Variants in CCDC187 observed in about 807,000 individuals in gnomAD.
CCDC187 encodes coiled-coil domain-containing protein 187.
CCDC187 carries 32 observed loss-of-function variants against 38.0 expected under a neutral mutation model. The observed-to-expected ratio is 0.84, with a 90% confidence interval of 0.64 to 1.13. The LOEUF is 1.13. Ranked by LOEUF, CCDC187 falls within the 50% of genes most tolerant of loss-of-function variation. CCDC187 has a pLI of 0.00. For missense variants in CCDC187, 707 were observed against 786.8 expected (o/e 0.90, Z 1.21); for synonymous variants, 333 against 347.9 (o/e 0.96, Z 0.48).
At position 136,250,874 on chromosome 9, in the gene CCDC187, T is replaced by G. The variant is rs1311417000; in HGVS notation, c.*2720A>C. 1.3e-4 allele frequency: 57 copies of G among 454,010 alleles called. No individual in the cohort carries two copies. Among genetic ancestry groups the G allele is most frequent in the Non-Finnish European group, 2.3e-4 (51 of 225,420 alleles). 28.1% of individuals were successfully genotyped at this position (454,010 alleles called of 1,614,324 possible). On this transcript the variant is annotated 3_prime_UTR_variant, in exon 26 of 26. Transcript: ENST00000638797. ...CAGCTGCTCCCGGGCGAGGGGTGTCTGGAGAGGGGCTCTTGCCTCACGGCA... is the reference window on the plus strand; with the variant it reads ...CAGCTGCTCCCGGGCGAGGGGTGTCGGGAGAGGGGCTCTTGCCTCACGGCA...
At position 136,250,441 on chromosome 9, in the gene CCDC187, C is replaced by T. The variant is rs1438996448; in HGVS notation, c.*3153G>A. 3 of 294,990 alleles carry T rather than the reference C, an allele frequency of 1.0e-5. No individual in the cohort carries two copies. The highest frequency in any genetic ancestry group is 2.0e-5 in the Non-Finnish European group (3 of 150,746). 18.3% of individuals were successfully genotyped at this position (294,990 alleles called of 1,614,324 possible). A position where few individuals can be genotyped will look rare whatever the true frequency, so the allele number is the denominator to read the frequency against. ...AGCCATCAGATTCGCTGCAAATCTG[C>T]GGGGCTTCAGTGGTGGAGATTTATC... On this transcript the variant is annotated 3_prime_UTR_variant, in exon 26 of 26. Coordinates refer to ENST00000638797, the MANE Select transcript of CCDC187 (RefSeq NM_001378188.1).
chr9:136,298,359 T>C (rs1451875182), intron 3 of CCDC187, among the ~76,000 whole-genome samples: 1 of 152,092 alleles, frequency 6.6e-6, no homozygotes, highest in Non-Finnish European at 1.5e-5. Context: ...TGGACCCCTC[T>C]GCCGATGGGG....
At chr9:136,277,427 G>T (rs1209142191) in intron 10 of CCDC187, among the ~76,000 whole-genome samples, 1 of 101,018 alleles carries the variant, frequency 9.9e-6, no homozygotes. Flanking sequence ...TGGGTGCTGA[G>T]GGGGTGAGTG....
At chr9:136,255,328 C>A (rs34141319) in intron 25 of CCDC187, among the ~76,000 whole-genome samples, 194 bp from the exon 26 acceptor site, 16,750 of 152,140 alleles carry the variant, frequency 0.11, 1,287 homozygotes, top group Admixed American at 0.2. Flanking sequence ...CACCCACACG[C>A]AATGAGTCAT....
chr9:136,303,595 G>A (rs1317908823), intron 1 of CCDC187, 93 bp downstream of exon 1: 3 of 157,000 alleles, frequency 1.9e-5, no homozygotes, highest in Admixed American at 6.5e-5. Flanking sequence ...CTGACCCCAC[G>A]CCCTTGTACC....
Position 136,283,577 on chromosome 9 carries a change from G to A in CCDC187, c.2928-1914C>T, listed in dbSNP as rs1055372989. Among the ~76,000 whole-genome samples, 9 of 152,332 alleles carry A rather than the reference G, an allele frequency of 5.9e-5. No individual in the cohort carries two copies. The East Asian group carries it at 1.7e-3, about 30-fold the overall frequency. ...TGATTCCGCCTCCTGCTGTCTCTCT[G>A]CCGCCTCGGCAGGGCTGTGGGGGTG... On this transcript the variant is annotated intron_variant, in intron 9 of 25. Transcript: ENST00000638797.
In CCDC187 at chr9:136,258,731, G is replaced by A. The variant is rs369145376; in HGVS notation, c.4366+201C>T. On this transcript the variant is annotated intron_variant, in intron 22 of 25. Coordinates refer to ENST00000638797, the MANE Select transcript of CCDC187 (RefSeq NM_001378188.1). The surrounding 1 kb of genome is among the most constrained non-coding windows in gnomAD (Gnocchi z 4.3). ...TTAATTTCTCCAGAAGAGCCGCTGC[G>A]TCACCTCCGGTAGGAGATGGAGCCG... is the stretch of plus-strand genomic sequence containing the variant. 1.6e-4 allele frequency: 156 copies of A among 985,468 alleles called. No individual in the cohort carries two copies. In the South Asian group the frequency reaches 5.4e-3, roughly 34 times the overall value. The allele number at this position is 985,468 out of a possible 1,614,324, so 61.0% of individuals were successfully genotyped here.
chr9:136,305,880 C>G (rs1184323065), upstream of CCDC187, among the ~76,000 whole-genome samples: 3 of 152,210 alleles, frequency 2.0e-5, no homozygotes, highest in African/African-American at 7.2e-5. Context: ...GCGTCTGCCT[C>G]CCTGGCCTGG....
chr9:136,284,872 C>G (rs1240965837), intron 9 of CCDC187, among the ~76,000 whole-genome samples: 1 of 152,148 alleles, frequency 6.6e-6, no homozygotes, highest in Non-Finnish European at 1.5e-5. Context: ...GAGCATCTAA[C>G]TCAGTTTCCA....
upstream of CCDC187, among the ~76,000 whole-genome samples, chr9:136,306,147 G>A (rs1392036211): frequency 6.6e-6 from 1 of 152,180 alleles, no homozygotes; most frequent in African/African-American, 2.4e-5. Context: ...GCTGCAGCCT[G>A]AGTCAAGGGG....
rs555989873 is a variant in CCDC187, at chr9:136,259,303, G to T, written c.4296+60C>A. ...AAGTCACAGATTGGCAGAATGTTGGGGGGGGGTGGTCCCTGAAACAGGCGG... is the reference window on the plus strand; with the variant it reads ...AAGTCACAGATTGGCAGAATGTTGGTGGGGGGTGGTCCCTGAAACAGGCGG... On this transcript the variant is annotated intron_variant, in intron 21 of 25. Transcript: ENST00000638797. 51 of 683,494 alleles carry T rather than the reference G, an allele frequency of 7.5e-5. 2 individuals carry two copies. In the South Asian group the frequency reaches 1.1e-3, roughly 14 times the overall value. 42.3% of individuals were successfully genotyped at this position (683,494 alleles called of 1,614,324 possible). A position where few individuals can be genotyped will look rare whatever the true frequency, so the allele number is the denominator to read the frequency against.
chr9:136,267,715 G>A (rs1830772007), intron 15 of CCDC187: 3 of 898,920 alleles, frequency 3.3e-6, no homozygotes, highest in Non-Finnish European at 4.0e-6. Flanking sequence ...TGAGCTGGCG[G>A]GGCAGGCAGG....
rs1438935684 is a variant in CCDC187 at position 136,291,612 on chromosome 9, G to C, written c.1001C>G (p.Ser334Ter). ...ATCGGGCAACTGGGCACAAACCGGT[G>C]AGCACTTGGCAGCTATGACTTTCTC... The part of the protein sequence containing the change: ...DSEKVIAAKC[S>*]PVCAQLPDAT... Residue 334 changes from serine to a stop codon, truncating the protein, a stop_gained, in exon 6 of 26, where the codon TCA (serine) becomes TGA (stop). Transcript: ENST00000638797. LOFTEE classifies it high-confidence loss of function. The C allele has an allele frequency of 1.8e-5, 7 of 398,732 alleles. No homozygotes were observed. Among genetic ancestry groups the C allele is most frequent in the East Asian group, 1.4e-4 (4 of 28,088 alleles). The allele number at this position is 398,732 out of a possible 1,614,324, so 24.7% of individuals were successfully genotyped here. A position where few individuals can be genotyped will look rare whatever the true frequency, so the allele number is the denominator to read the frequency against.
chr9:136,291,932 G>A (rs929500960), intron 5 of CCDC187, among the ~76,000 whole-genome samples: 2 of 152,230 alleles, frequency 1.3e-5, no homozygotes, highest in Non-Finnish European at 2.9e-5. Flanking sequence ...GGGAACTGGC[G>A]ATGGAGCCTC....
chr9:136,283,419 G>A (rs1235762992), intron 9 of CCDC187, among the ~76,000 whole-genome samples: 2 of 152,234 alleles, frequency 1.3e-5, no homozygotes, highest in South Asian at 2.1e-4. Flanking sequence ...GAGTGGCAAC[G>A]GACAGGCCAG....
At chr9:136,256,141 A>G (rs1457656151) in intron 24 of CCDC187, 70 bp downstream of exon 24, 3 of 817,128 alleles carry the variant, frequency 3.7e-6, no homozygotes, top group South Asian at 1.1e-4. Context: ...GCAGGGGGAC[A>G]GGGGGTACCG....
At position 136,254,150 on chromosome 9, in the gene CCDC187, C is replaced by T. The variant is rs568525539; in HGVS notation, c.5678G>A (p.Trp1893Ter). The change falls in exon 26 of 26, where the codon TGG becomes TAG. Residue 1893 changes from tryptophan to a stop codon, truncating the protein, a stop_gained. Transcript: ENST00000638797. LOFTEE classifies it low-confidence loss of function (END_TRUNC). ...ATCTGCCCCTTCACTCAAAGAGGTC[C>T]ACGAAGGAAAGACCAGCAGTGAGTC... Reference protein sequence around the residue: ...DSDSLLVFPSWTSLSEGADFG... With the variant: ...DSDSLLVFPS The T allele has an allele frequency of 4.7e-5, 46 of 985,446 alleles. 1 individual carries two copies. The South Asian group carries it at 1.9e-3, about 41-fold the overall frequency. 61.0% of individuals were successfully genotyped at this position (985,446 alleles called of 1,614,324 possible).
Position 136,262,331 on chromosome 9 carries a change from G to A in CCDC187, c.4044C>T (p.Pro1348=), listed in dbSNP as rs1392477885. The change falls in exon 19 of 26, where the codon CCC becomes CCT. Residue 1348 remains proline (P), a synonymous_variant. Coordinates refer to ENST00000638797, the MANE Select transcript of CCDC187 (RefSeq NM_001378188.1). ...CTCACCGCGTGGCCTTTGAGCTTGC[G>A]GGGCTGCTCTGGGGGCGATGGCTGG... The part of the protein sequence containing the change: ...SSTSHRPQSS[P]ASSKATRPPT... 6 of 986,584 alleles carry A rather than the reference G, an allele frequency of 6.1e-6. No individual in the cohort carries two copies. Among genetic ancestry groups the A allele is most frequent in the East Asian group, 2.3e-4 (2 of 8,864 alleles). 61.1% of individuals were successfully genotyped at this position (986,584 alleles called of 1,614,324 possible).
At chr9:136,287,421 G>A (rs1157139463) in intron 7 of CCDC187, among the ~76,000 whole-genome samples, 1 of 152,136 alleles carries the variant, frequency 6.6e-6, no homozygotes, top group African/African-American at 2.4e-5. Context: ...GAGCTGAAAC[G>A]CACCAGATCA....
Sources: allele counts gnomAD v4.1 joint callset (sites outside exome capture counted in the v4.1 genomes callset), GRCh38; gene constraint gnomAD v4.1.1; non-coding constraint Gnocchi (gnomAD v3.1); transcripts MANE v1.5; gene names NCBI Gene and HGNC (gene_info 2026-07-23, HGNC 2026-07-21).